VMP1: variants seen among roughly 807,000 people sequenced by gnomAD.
VMP1 encodes the protein ectopic P-granules autophagy protein 3 homolog.
In VMP1, 11 loss-of-function variants were observed where a neutral mutation model predicts 56.0. That is an observed-to-expected ratio of 0.20 (90% CI 0.12 to 0.32). The LOEUF (loss-of-function observed/expected upper bound fraction) is 0.32, where lower values mean the gene tolerates loss of function less well. Ranked by LOEUF, VMP1 falls within the 10% of genes least tolerant of loss-of-function variation. VMP1 has a pLI of 1.00. For missense variants in VMP1, 296 were observed against 490.3 expected, an observed-to-expected ratio of 0.60 and a Z score of 3.74; for synonymous variants, 149 against 165.0, an observed-to-expected ratio of 0.90 and a Z score of 0.74.
intron 5 of VMP1, among the ~76,000 whole-genome samples, chr17:59,751,389 G>C (rs1174661183): frequency 6.6e-6 from 1 of 152,092 alleles, no homozygotes. Context: ...CATAGCTGCT[G>C]TTGACCTCTT....
At chr17:59,715,971 A>G (rs1197830048) in intron 1 of VMP1, among the ~76,000 whole-genome samples, 1 of 152,092 alleles carries the variant, frequency 6.6e-6, no homozygotes. Context: ...CTAACTACCT[A>G]GAAAATTTTT....
intron 10 of VMP1, among the ~76,000 whole-genome samples, chr17:59,830,401 G>GA (rs1023246696): frequency 3.9e-5 from 6 of 152,298 alleles, no homozygotes; most frequent in African/African-American, 1.4e-4. Flanking sequence ...ATCTTCTCCT[G>GA]AAAAATTTTT....
rs1456816576 is a variant in VMP1, at chr17:59,841,482, G to C, written c.*1571G>C. The stretch of plus-strand genomic sequence containing the variant: ...GCCATAATGCAGCAGTATGGAGGGA[G>C]GATTTTATGGAGAAATGGGGATAGT... On this transcript the variant is annotated 3_prime_UTR_variant, in exon 12 of 12. Transcript: ENST00000262291. The C allele has an allele frequency of 4.2e-6, 1 of 235,672 alleles. No individual in the cohort carries two copies. The highest frequency in any genetic ancestry group is 9.6e-6 in the Non-Finnish European group (1 of 104,558). The allele number at this position is 235,672 out of a possible 1,614,324, so 14.6% of individuals were successfully genotyped here.
intron 10 of VMP1, among the ~76,000 whole-genome samples, chr17:59,821,598 T>C (rs2038456176): frequency 7.0e-6 from 1 of 143,842 alleles, no homozygotes; most frequent in Non-Finnish European, 1.5e-5. Context: ...CAGGCTGGAG[T>C]GCAATGGTGC....
chr17:59,722,778 C>T lies in VMP1; in HGVS notation c.-26-8643C>T, dbSNP rs935849615. On this transcript the variant is annotated intron_variant, in intron 1 of 11. Transcript: ENST00000262291. ...AGAATGGCTTGAACCTGGAAGGTGG[C>T]GGTTGCAGTGAGCTGTGATAGCTCC... Among the ~76,000 whole-genome samples the T allele has an allele frequency of 4.6e-5, 7 of 152,012 alleles. No individual in the cohort carries two copies. In the East Asian group the frequency reaches 7.7e-4, roughly 17 times the overall value.
chr17:59,774,913 A>C (rs1326107993), intron 7 of VMP1, among the ~76,000 whole-genome samples: 1 of 151,830 alleles, frequency 6.6e-6, no homozygotes, highest in East Asian at 1.9e-4. Context: ...AGCCTGGGCA[A>C]TAGTGAGACC....
intron 2 of VMP1, among the ~76,000 whole-genome samples, chr17:59,733,154 C>T (rs2034896955): frequency 6.6e-6 from 1 of 152,086 alleles, no homozygotes; most frequent in Non-Finnish European, 1.5e-5. Context: ...CCACTGCACT[C>T]CAGCCTGGGT....
chr17:59,828,487 G>A (rs901221358), intron 10 of VMP1, among the ~76,000 whole-genome samples: 18 of 152,144 alleles, frequency 1.2e-4, no homozygotes, highest in Non-Finnish European at 1.5e-4. Context: ...ACCACTCTGC[G>A]TACAATGGAC....
In VMP1 at chr17:59,735,633, A is replaced by G. The variant is rs559536523; in HGVS notation, c.212+160A>G. 62 of 747,246 alleles carry G rather than the reference A, an allele frequency of 8.3e-5. No individual in the cohort carries two copies. In the South Asian group the frequency reaches 1.3e-3, roughly 16 times the overall value. The allele number at this position is 747,246 out of a possible 1,614,324, so 46.3% of individuals were successfully genotyped here. ...TATTTATTCTCCTTTCTTTAGGTTG[A>G]AGAAAAATAGATTAGGGAAAGACAT... On this transcript the variant is annotated intron_variant, in intron 3 of 11. Coordinates refer to ENST00000262291, the MANE Select transcript of VMP1 (RefSeq NM_030938.5).
At chr17:59,774,146 C>T (rs1009239912) in intron 7 of VMP1, among the ~76,000 whole-genome samples, 1 of 152,042 alleles carries the variant, frequency 6.6e-6, no homozygotes, top group Non-Finnish European at 1.5e-5. Flanking sequence ...TTAATGTTGC[C>T]AATGATGTTA....
intron 6 of VMP1, among the ~76,000 whole-genome samples, chr17:59,772,947 A>ATTTTTTTTTTTTTTTT (rs1488990377): frequency 4.3e-5 from 3 of 70,584 alleles, no homozygotes; most frequent in African/African-American, 1.1e-4. Flanking sequence ...ATACTGGTGA[A>ATTTTTTTTTTTTTTTT]TTCTTTTTTT....
chr17:59,717,830 G>C (rs2034226493), intron 1 of VMP1, among the ~76,000 whole-genome samples: 1 of 152,116 alleles, frequency 6.6e-6, no homozygotes, highest in East Asian at 1.9e-4. Flanking sequence ...TGAAACAGGA[G>C]AATTACTTGA....
intron 7 of VMP1, among the ~76,000 whole-genome samples, chr17:59,791,772 T>G (rs560056315): frequency 2.4e-4 from 36 of 152,156 alleles, no homozygotes; most frequent in Non-Finnish European, 4.1e-4. Flanking sequence ...CCCCATTGTT[T>G]TATATTTAAA....
intron 7 of VMP1, among the ~76,000 whole-genome samples, chr17:59,808,472 G>T (rs755857167): frequency 1.3e-5 from 2 of 152,190 alleles, no homozygotes; most frequent in African/African-American, 4.8e-5. Context: ...AGATGTTGTA[G>T]GCCAGTGTTT....
At chr17:59,750,462 C>T (rs905809883) in intron 5 of VMP1, among the ~76,000 whole-genome samples, 8 of 151,908 alleles carry the variant, frequency 5.3e-5, no homozygotes, top group South Asian at 2.1e-4. Flanking sequence ...CCACCACACC[C>T]GGCTAATTTT....
At chr17:59,787,785 C>T (rs1009573129) in intron 7 of VMP1, among the ~76,000 whole-genome samples, 1 of 152,144 alleles carries the variant, frequency 6.6e-6, no homozygotes, top group African/African-American at 2.4e-5. Context: ...CGTGCCACTA[C>T]ACTCCAGCCT....
intron 10 of VMP1, among the ~76,000 whole-genome samples, chr17:59,822,595 G>C (rs1421001645): frequency 1.3e-5 from 2 of 152,028 alleles, no homozygotes; most frequent in Non-Finnish European, 2.9e-5. Flanking sequence ...AAAGTGCTGG[G>C]ATTACAGGTG....
chr17:59,754,986 C>CCCCT (rs1555616867), intron 5 of VMP1, among the ~76,000 whole-genome samples: 1 of 128,328 alleles, frequency 7.8e-6, no homozygotes, highest in African/African-American at 2.9e-5. Flanking sequence ...TAGCCCCCCC[C>CCCCT]GCCCTTTTTT....
chr17:59,710,537 A>G (rs2033877121), intron 1 of VMP1, among the ~76,000 whole-genome samples: 1 of 152,212 alleles, frequency 6.6e-6, no homozygotes, highest in Non-Finnish European at 1.5e-5. Context: ...CATAAGCCTT[A>G]TTTACAAACT....
Sources: allele counts gnomAD v4.1 joint callset (sites outside exome capture counted in the v4.1 genomes callset), GRCh38; gene constraint gnomAD v4.1.1; transcripts MANE v1.5; gene names NCBI Gene and HGNC (gene_info 2026-07-23, HGNC 2026-07-21).